LNX1: variants seen among roughly 807,000 people sequenced by gnomAD.
LNX1 encodes ligand of numb-protein X 1.
In LNX1, 54 loss-of-function variants were observed where a neutral mutation model predicts 68.4. That is an observed-to-expected ratio of 0.79 (90% CI 0.63 to 0.99). The LOEUF (loss-of-function observed/expected upper bound fraction) is 0.99, where lower values mean the gene tolerates loss of function less well. Among genes scored for constraint, LNX1 ranks in the 50% least tolerant of loss-of-function variants. The pLI is 0.00. For synonymous variants in LNX1, 336 were observed against 350.0 expected, an observed-to-expected ratio of 0.96 and a Z score of 0.45; for missense variants, 906 against 926.4, an observed-to-expected ratio of 0.98 and a Z score of 0.29.
chr4:53,477,787 G>GA (rs1723660616), intron 8 of LNX1, among the ~76,000 whole-genome samples: 1 of 152,044 alleles, frequency 6.6e-6, no homozygotes, highest in African/African-American at 2.4e-5. Context: ...GACAGGAGGA[G>GA]AAAAAAGAGA....
chr4:53,623,175 G>T (rs1215625578), intron 1 of LNX1, among the ~76,000 whole-genome samples: 3 of 151,380 alleles, frequency 2.0e-5, no homozygotes, highest in African/African-American at 4.9e-5. Flanking sequence ...AGTTGTACCT[G>T]AGGATGAGAG....
chr4:53,544,771 A>G (rs1728988006), intron 2 of LNX1, among the ~76,000 whole-genome samples: 1 of 152,236 alleles, frequency 6.6e-6, no homozygotes, highest in Admixed American at 6.5e-5. Context: ...CAGGCACTGT[A>G]CTGGGGCTGC....
intron 2 of LNX1, among the ~76,000 whole-genome samples, chr4:53,611,062 T>C (rs1366757155): frequency 6.6e-6 from 1 of 152,072 alleles, no homozygotes; most frequent in Admixed American, 6.6e-5. Context: ...GGTAAAACTG[T>C]CTATTTTTGC....
chr4:53,583,413 C>T (rs561439970), intron 1 of LNX1, among the ~76,000 whole-genome samples: 28 of 152,252 alleles, frequency 1.8e-4, no homozygotes, highest in African/African-American at 5.1e-4. Flanking sequence ...CAGGTGCTTA[C>T]AGGCTGCCGC....
chr4:53,601,691 C>T (rs1178798503), intron 2 of LNX1, among the ~76,000 whole-genome samples: 1 of 152,146 alleles, frequency 6.6e-6, no homozygotes, highest in East Asian at 1.9e-4. Context: ...ATCTGTGCCC[C>T]CTAGAGGCAG....
chr4:53,462,701 A>G lies in LNX1; in HGVS notation c.1893-1108T>C, dbSNP rs1389832941. 2.0e-5 allele frequency among the ~76,000 whole-genome samples: 3 copies of G among 152,180 alleles called. No individual in the cohort carries two copies. In the East Asian group the frequency reaches 5.8e-4, roughly 29 times the overall value. On this transcript the variant is annotated intron_variant, in intron 9 of 10. Coordinates refer to ENST00000263925, the MANE Select transcript of LNX1 (RefSeq NM_001126328.3). ...TTAGGGTTTGGCAAATACCTTTAAA[A>G]TGTAATGCTGAAATTCAACTCTAAC...
In LNX1 at chr4:53,575,757, T is replaced by C; in HGVS notation, c.-86-1669A>G. The C allele has an allele frequency of 3.2e-6, 5 of 1,556,074 alleles. No homozygotes were observed. The South Asian group carries it at 6.3e-5, about 19-fold the overall frequency. On this transcript the variant is annotated intron_variant, in intron 1 of 10. Transcript: ENST00000263925. The stretch of plus-strand genomic sequence containing the variant: ...ACAGCTCTGTATTGCATCATCCTGG[T>C]GGTAGTCACAGTGGCCGAGTGAGTT...
intron 2 of LNX1, among the ~76,000 whole-genome samples, chr4:53,529,640 C>T (rs142998694): frequency 9.3e-4 from 141 of 152,308 alleles, no homozygotes; most frequent in African/African-American, 3.2e-3. Flanking sequence ...CATCTGACAG[C>T]TCCATGTACA....
rs201017055 is a variant in LNX1, at chr4:53,529,102, A to AACACACAC, written c.381-20883_381-20876dup. On this transcript the variant is annotated intron_variant, in intron 2 of 10. Coordinates refer to ENST00000263925, the MANE Select transcript of LNX1 (RefSeq NM_001126328.3). ...CAATTACAGCTTAAGAGTCCTGACC[A>AACACACAC]ACACACACACACACACACACACACA... is the stretch of plus-strand genomic sequence containing the variant. Among the ~76,000 whole-genome samples, 1,344 of 138,384 alleles carry AACACACAC rather than the reference A, an allele frequency of 9.7e-3. 27 individuals carry two copies. The highest frequency in any genetic ancestry group is 0.043 in the Admixed American group (575 of 13,398). 90.8% of individuals were successfully genotyped at this position (138,384 alleles called of 152,430 possible). A position where few individuals can be genotyped will look rare whatever the true frequency, so the allele number is the denominator to read the frequency against.
chr4:53,631,397 G>T (rs978564659), intron 1 of LNX1, among the ~76,000 whole-genome samples: 15 of 152,186 alleles, frequency 9.9e-5, no homozygotes, highest in African/African-American at 3.6e-4. Flanking sequence ...AGAAACAAAT[G>T]ATTCCTGAAA....
At chr4:53,631,024 A>C (rs1734249336) in intron 1 of LNX1, among the ~76,000 whole-genome samples, 1 of 152,236 alleles carries the variant, frequency 6.6e-6, no homozygotes, top group African/African-American at 2.4e-5. Context: ...AATGAGCCAG[A>C]ACCTTGCAGT....
intron 2 of LNX1, among the ~76,000 whole-genome samples, chr4:53,563,287 T>G (rs1265559667): frequency 1.3e-5 from 2 of 152,156 alleles, no homozygotes; most frequent in Non-Finnish European, 2.9e-5. Flanking sequence ...AGCAAACCAA[T>G]GCAAAATTTA....
At chr4:53,564,663 G>T (rs1225689011) in intron 2 of LNX1, among the ~76,000 whole-genome samples, 1 of 152,088 alleles carries the variant, frequency 6.6e-6, no homozygotes, top group Non-Finnish European at 1.5e-5. Flanking sequence ...AATAGGAACA[G>T]CTCTGGTCTA....
chr4:53,599,973 C>T (rs1315114790), intron 2 of LNX1, among the ~76,000 whole-genome samples: 1 of 152,182 alleles, frequency 6.6e-6, no homozygotes, highest in African/African-American at 2.4e-5. Context: ...GTGACAGTAA[C>T]ATCTGTAGCT....
chr4:53,609,009 A>G (rs1733357216), intron 2 of LNX1, among the ~76,000 whole-genome samples: 1 of 152,164 alleles, frequency 6.6e-6, no homozygotes, highest in South Asian at 2.1e-4. Context: ...ACTTCAAACC[A>G]TACTACAAGG....
intron 6 of LNX1, among the ~76,000 whole-genome samples, chr4:53,487,009 C>CT (rs1281172070): frequency 2.6e-5 from 4 of 152,206 alleles, no homozygotes; most frequent in Admixed American, 6.6e-5. Flanking sequence ...ACTGTGACCT[C>CT]TTGCCAAGCA....
chr4:53,478,724 T>C lies in LNX1; in HGVS notation c.1504A>G (p.Thr502Ala). ...NTPKPLHPTI[T>A]CHEKVVNIQK... Reference sequence around the variant, plus strand: ...ATATTTACCACCTTCTCATGACAAGTAATTGTAGGATGGAGGGGCTGAAGG... The same window carrying C: ...ATATTTACCACCTTCTCATGACAAGCAATTGTAGGATGGAGGGGCTGAAGG... The change falls in exon 8 of 11, where the codon ACT becomes GCT. Residue 502 changes from threonine to alanine, a missense_variant. Physicochemically the swap from Thr to Ala is moderately conservative, Grantham distance 58. Coordinates refer to ENST00000263925, the MANE Select transcript of LNX1 (RefSeq NM_001126328.3). 1 of 1,613,874 alleles carries C rather than the reference T, an allele frequency of 6.2e-7. No homozygotes were observed. The highest frequency in any genetic ancestry group is 8.5e-7 in the Non-Finnish European group (1 of 1,179,860).
intron 6 of LNX1, among the ~76,000 whole-genome samples, chr4:53,488,525 C>G (rs1724474609): frequency 6.6e-6 from 1 of 152,198 alleles, no homozygotes; most frequent in African/African-American, 2.4e-5. Context: ...GAGTTCTGGA[C>G]TGACCAGTAT....
chr4:53,575,722 T>G (rs1463250245), intron 1 of LNX1: 1 of 1,440,386 alleles, frequency 6.9e-7, no homozygotes, highest in African/African-American at 1.4e-5. Flanking sequence ...CAGTGTCTGC[T>G]GTGGGGGCCA....
Sources: allele counts gnomAD v4.1 joint callset (sites outside exome capture counted in the v4.1 genomes callset), GRCh38; gene constraint gnomAD v4.1.1; transcripts MANE v1.5; gene names NCBI Gene and HGNC (gene_info 2026-07-23, HGNC 2026-07-21).